Variants in STRA8 observed in about 807,000 individuals in gnomAD.
STRA8 encodes the protein stimulated by retinoic acid gene 8 protein homolog.
A neutral mutation model predicts 37.1 loss-of-function variants in STRA8; 18 were observed. The ratio of observed to expected loss-of-function variants is 0.48; its 90% CI spans 0.34 to 0.72. The LOEUF (loss-of-function observed/expected upper bound fraction) is 0.72, where lower values mean the gene tolerates loss of function less well. STRA8 is among the 30% of genes least tolerant of loss of function. The pLI is 0.01. For missense variants in STRA8, 357 were observed against 410.4 expected (o/e 0.87, Z 1.13); for synonymous variants, 168 against 162.9 (o/e 1.03, Z -0.24).
chr7:135,235,266 T>C (rs951397106), intron 1 of STRA8, among the ~76,000 whole-genome samples: 7 of 152,148 alleles, frequency 4.6e-5, no homozygotes, highest in African/African-American at 1.4e-4. Flanking sequence ...GCAGAATAAA[T>C]GGGCTTTGCA....
chr7:135,232,726 C>G (rs1485168112), upstream of STRA8, among the ~76,000 whole-genome samples: 1 of 152,208 alleles, frequency 6.6e-6, no homozygotes, highest in Non-Finnish European at 1.5e-5. Context: ...CATCATCTCA[C>G]TGACGTCAAA....
At chr7:135,254,450 G>A (rs182073619) in intron 7 of STRA8, among the ~76,000 whole-genome samples, 1 of 152,254 alleles carries the variant, frequency 6.6e-6, no homozygotes, top group African/African-American at 2.4e-5. Context: ...CACATTGCAG[G>A]GCCTGGCTCT....
chr7:135,242,855 A>G lies in STRA8; in HGVS notation c.267A>G (p.Lys89=). The change falls in exon 3 of 9, where the codon AAA becomes AAG. Residue 89 remains lysine, a splice_region_variant and synonymous_variant. Coordinates refer to ENST00000662584, the MANE Select transcript of STRA8 (RefSeq NM_001394401.1). ...EQTLDNLLKL[K]ASFNLEDGHA... is the part of the protein sequence containing the mutation. Reference sequence around the variant, plus strand: ...CCCTGGATAATTTGCTGAAGCTGAAAGGTAATGGAGCACTACTTGCCAACC... The same window carrying G: ...CCCTGGATAATTTGCTGAAGCTGAAGGGTAATGGAGCACTACTTGCCAACC... 6.2e-7 allele frequency: 1 copy of G among 1,614,238 alleles called. No individual in the cohort carries two copies. The highest frequency in any genetic ancestry group is 1.3e-5 in the African/African-American group (1 of 75,070).
At chr7:135,247,709 G>A (rs73725282) in intron 6 of STRA8, among the ~76,000 whole-genome samples, 1,664 of 152,306 alleles carry the variant, frequency 0.011, 30 homozygotes, top group African/African-American at 0.038. Flanking sequence ...CTCTGTGAAG[G>A]GGAGGTTACC....
In STRA8 at chr7:135,246,353, C is replaced by T. The variant is rs1047968186; in HGVS notation, c.594-64C>T. On this transcript the variant is annotated intron_variant, in intron 5 of 8. Coordinates refer to ENST00000662584, the MANE Select transcript of STRA8 (RefSeq NM_001394401.1). The surrounding 1 kb of genome is among the most constrained non-coding windows in gnomAD (Gnocchi z 5.4). ...TGCGTGCTGGGGTCCACACCATGAA[C>T]CGAATCCCGAATCGCTTCGAGAGGG... 8 of 1,554,488 alleles carry T rather than the reference C, an allele frequency of 5.1e-6. No homozygotes were observed. Among genetic ancestry groups the T allele is most frequent in the Non-Finnish European group, 6.1e-6 (7 of 1,148,102 alleles).
chr7:135,247,699 C>T (rs1033569658), intron 6 of STRA8, among the ~76,000 whole-genome samples: 4 of 152,232 alleles, frequency 2.6e-5, no homozygotes, highest in Admixed American at 6.5e-5. Flanking sequence ...ACTGGGATCG[C>T]TCTGTGAAGG....
intron 7 of STRA8, 99 bp downstream of exon 7, chr7:135,251,968 G>A: frequency 9.6e-7 from 1 of 1,040,858 alleles, no homozygotes; most frequent in Admixed American, 1.8e-5. Context: ...GTGCATGAAT[G>A]TGGTAAGTCA....
chr7:135,252,045 T>TGTGTGTGC (rs1386878700), intron 7 of STRA8, among the ~76,000 whole-genome samples, 176 bp downstream of exon 7: 9 of 150,892 alleles, frequency 6.0e-5, no homozygotes, highest in East Asian at 1.9e-4. Flanking sequence ...TGTGTGTGTG[T>TGTGTGTGC]GCACCCCTGC....
chr7:135,240,587 G>A lies in STRA8; in HGVS notation c.63G>A (p.Gln21=), dbSNP rs1170568532. ...GAGCAACACCCCAGCTGCCAGCACA[G>A]CTGCAGGAGCTTGAGCATCGGGTGG... ...HDRATPQLPA[Q]LQELEHRVAR... is the part of the protein sequence containing the mutation. Residue 21 remains glutamine (Q), a synonymous_variant, in exon 2 of 9, where the codon CAG becomes CAA. Transcript: ENST00000662584. 1 of 1,614,056 alleles carries A rather than the reference G, an allele frequency of 6.2e-7. No individual in the cohort carries two copies.
intron 7 of STRA8, among the ~76,000 whole-genome samples, chr7:135,254,807 T>C (rs542692342): frequency 7.9e-4 from 120 of 152,278 alleles, no homozygotes; most frequent in Non-Finnish European, 1.1e-3. Flanking sequence ...GAACCAGAAC[T>C]GTGGGGGCAT....
intron 7 of STRA8, among the ~76,000 whole-genome samples, 177 bp from the exon 8 acceptor site, chr7:135,254,937 C>G (rs961425992): frequency 6.6e-6 from 1 of 152,158 alleles, no homozygotes; most frequent in Non-Finnish European, 1.5e-5. Flanking sequence ...CCAGGGGATT[C>G]CAGACATGAT....
At chr7:135,247,545 T>G (rs557500643) in intron 6 of STRA8, among the ~76,000 whole-genome samples, 1 of 152,302 alleles carries the variant, frequency 6.6e-6, no homozygotes, top group Non-Finnish European at 1.5e-5. Context: ...AGGAAGAACT[T>G]TTCCGGAACC....
upstream of STRA8, among the ~76,000 whole-genome samples, chr7:135,232,464 A>G (rs1335859935): frequency 6.6e-6 from 1 of 151,968 alleles, no homozygotes; most frequent in Admixed American, 6.6e-5. Context: ...ATTTTCCTAG[A>G]AAGGCCTGTC....
At chr7:135,232,111 G>T, upstream of STRA8, 1 of 1,387,764 alleles carries the variant, frequency 7.2e-7, no homozygotes. Context: ...TGTGTGTGTG[G>T]CAGTGGTTGG....
intron 1 of STRA8, among the ~76,000 whole-genome samples, chr7:135,239,289 G>C (rs1832424857): frequency 6.6e-6 from 1 of 152,162 alleles, no homozygotes; most frequent in South Asian, 2.1e-4. Flanking sequence ...GAAAGTATAG[G>C]AATCACCCTG....
upstream of STRA8, among the ~76,000 whole-genome samples, chr7:135,232,634 A>AG (rs1832310509): frequency 1.3e-5 from 2 of 152,008 alleles, no homozygotes; most frequent in African/African-American, 4.8e-5. Flanking sequence ...AGGAAAAAAA[A>AG]AATGCTAGAA....
At chr7:135,252,001 G>GGA (rs373521545) in intron 7 of STRA8, 132 bp downstream of exon 7, 13,765 of 672,000 alleles carry the variant, frequency 0.02, 127 homozygotes, top group African/African-American at 0.045. Context: ...GGAGACAGAG[G>GGA]GAGAGAGAGA....
intron 1 of STRA8, among the ~76,000 whole-genome samples, chr7:135,236,018 C>A (rs1706475317): frequency 6.6e-6 from 1 of 151,866 alleles, no homozygotes; most frequent in South Asian, 2.1e-4. Context: ...GGAAGGATTA[C>A]TTGAGCCTAG....
At position 135,237,595 on chromosome 7, in the gene STRA8, A is replaced by AT. The variant is rs547010714; in HGVS notation, c.-6-2923dup. Reference sequence around the variant, plus strand: ...GGGACAGACCCAAGTGTATTATTAGATAAAAAGAGCTCTGTCCACCGGGCG... The same window carrying AT: ...GGGACAGACCCAAGTGTATTATTAGATTAAAAAGAGCTCTGTCCACCGGGCG... On this transcript the variant is annotated intron_variant, in intron 1 of 8. Coordinates refer to ENST00000662584, the MANE Select transcript of STRA8 (RefSeq NM_001394401.1). Among the ~76,000 whole-genome samples the AT allele has an allele frequency of 9.2e-5, 14 of 152,206 alleles. No homozygotes were observed. In the South Asian group the frequency reaches 1.9e-3, roughly 20 times the overall value.
Sources: gnomAD v4.1 joint callset for allele counts (sites outside exome capture counted in the v4.1 genomes callset) on GRCh38, gnomAD v4.1.1 for gene constraint, Gnocchi (gnomAD v3.1) non-coding constraint, MANE v1.5 for transcripts, NCBI Gene and HGNC (gene_info 2026-07-23, HGNC 2026-07-21) for gene names.